Variants in TAF15 observed in about 807,000 individuals in gnomAD.
TAF15 encodes TATA-box binding protein associated factor 15.
Under a neutral mutation model 102.5 loss-of-function variants are expected in TAF15, and 37 were observed. The observed-to-expected ratio is 0.36, with a 90% confidence interval of 0.28 to 0.47. TAF15 has a LOEUF of 0.47. TAF15 is among the 20% of genes least tolerant of loss of function. TAF15 has a pLI of 0.99. For synonymous variants in TAF15, 273 were observed against 259.2 expected, an observed-to-expected ratio of 1.05 and a Z score of -0.51; for missense variants, 652 against 760.7, an observed-to-expected ratio of 0.86 and a Z score of 1.68.
rs2087097507 is a variant in TAF15, at chr17:35,809,485, G to C, written c.-85G>C. 2.5e-6 allele frequency: 4 copies of C among 1,595,010 alleles called. No individual in the cohort carries two copies. Among genetic ancestry groups the C allele is most frequent in the Non-Finnish European group, 3.4e-6 (4 of 1,169,896 alleles). ...GCCTCAGCCCGCCGCGCCGCCCTCA[G>C]TACAGCTCCGGCCGCCGCGCCGCCT... On this transcript the variant is annotated 5_prime_UTR_variant, in exon 1 of 16. Transcript: ENST00000605844.
chr17:35,842,424 T>A lies in TAF15; in HGVS notation c.971T>A (p.Phe324Tyr). The change falls in exon 12 of 16, where the codon TTC becomes TAC. Residue 324 changes from phenylalanine (F) to tyrosine (Y), a missense_variant. Physicochemically the swap from Phe to Tyr is conservative, Grantham distance 22. Coordinates refer to ENST00000605844, the MANE Select transcript of TAF15 (RefSeq NM_139215.3). ...TCCTTTGCCACTAGAAGACCTGAAT[T>A]CATGAGAGGAGGTGGAAGTGGAGGT... Reference protein sequence around the residue: ...KVSFATRRPEFMRGGGSGGGR... With the variant: ...KVSFATRRPEYMRGGGSGGGR... 1 of 1,614,108 alleles carries A rather than the reference T, an allele frequency of 6.2e-7. No individual in the cohort carries two copies. The highest frequency in any genetic ancestry group is 8.5e-7 in the Non-Finnish European group (1 of 1,180,008).
intron 1 of TAF15, chr17:35,811,018 CT>C (rs2087118550): frequency 6.6e-6 from 1 of 152,192 alleles, no homozygotes; most frequent in Non-Finnish European, 1.5e-5. Context: ...GGGATGAAGT[CT>C]GATAAAGCTC....
chr17:35,814,068 G>T (rs1195009059), intron 1 of TAF15, among the ~76,000 whole-genome samples: 1 of 151,720 alleles, frequency 6.6e-6, no homozygotes, highest in Non-Finnish European at 1.5e-5. Flanking sequence ...GCCTTACCTG[G>T]CTAATTTTTA....
In TAF15 at chr17:35,847,079, G is replaced by T; in HGVS notation, c.*134G>T. 2.6e-6 allele frequency: 2 copies of T among 768,752 alleles called. No individual in the cohort carries two copies. Among genetic ancestry groups the T allele is most frequent in the Non-Finnish European group, 2.3e-6 (1 of 437,138 alleles). 47.6% of individuals were successfully genotyped at this position (768,752 alleles called of 1,614,324 possible). On this transcript the variant is annotated 3_prime_UTR_variant, in exon 16 of 16. Transcript: ENST00000605844. Reference sequence around the variant, plus strand: ...CATTTGGATTTTTATTTGGGTGGGAGGGCTGGGACAGTTTTTCTTCTAGAA... The same window carrying T: ...CATTTGGATTTTTATTTGGGTGGGATGGCTGGGACAGTTTTTCTTCTAGAA...
At chr17:35,838,185 TA>T (rs1022688952) in intron 10 of TAF15, among the ~76,000 whole-genome samples, 3 of 151,932 alleles carry the variant, frequency 2.0e-5, no homozygotes, top group Non-Finnish European at 2.9e-5. Flanking sequence ...CTGTCTCAAT[TA>T]AAAAAAATTA....
At chr17:35,841,888 G>A (rs1166584660) in intron 11 of TAF15, among the ~76,000 whole-genome samples, 2 of 152,040 alleles carry the variant, frequency 1.3e-5, no homozygotes, top group African/African-American at 2.4e-5. Context: ...TTCAGAGAAA[G>A]GGTCTCATTA....
intron 1 of TAF15, chr17:35,810,144 G>A: frequency 5.8e-6 from 1 of 172,404 alleles, no homozygotes; most frequent in Non-Finnish European, 1.3e-5. Context: ...TCACTCTGCA[G>A]TAACCACCTG....
rs989070918 is a variant in TAF15, at chr17:35,822,848, C to T, written c.484+15C>T. Reference sequence around the variant, plus strand: ...CCACACACAAGGTAAGATTTACTGACCTCTATTATTATTTTTCCCCCTCTC... The same window carrying T: ...CCACACACAAGGTAAGATTTACTGATCTCTATTATTATTTTTCCCCCTCTC... On this transcript the variant is annotated intron_variant, in intron 6 of 15. Transcript: ENST00000605844. 5 of 1,612,756 alleles carry T rather than the reference C, an allele frequency of 3.1e-6. No individual in the cohort carries two copies. The Admixed American group carries it at 6.7e-5, about 22-fold the overall frequency.
intron 1 of TAF15, chr17:35,811,603 TTA>T (rs1490033290): frequency 2.0e-5 from 3 of 152,234 alleles, no homozygotes; most frequent in African/African-American, 7.2e-5. Flanking sequence ...ATTAATAATT[TTA>T]GTTAAGTCCT....
At chr17:35,812,594 A>G (rs1170094595) in intron 1 of TAF15, among the ~76,000 whole-genome samples, 11 of 151,626 alleles carry the variant, frequency 7.3e-5, no homozygotes, top group Admixed American at 2.6e-4. Flanking sequence ...AAAAAAAAAA[A>G]AAAAAAAAAA....
At chr17:35,846,137 G>A (rs1349175144) in intron 15 of TAF15, among the ~76,000 whole-genome samples, 3 of 152,186 alleles carry the variant, frequency 2.0e-5, no homozygotes, top group Non-Finnish European at 4.4e-5. Flanking sequence ...ATAAGGCAGT[G>A]AGAATTAGTA....
intron 7 of TAF15, among the ~76,000 whole-genome samples, chr17:35,831,909 C>A (rs1450144724): frequency 6.6e-6 from 1 of 151,472 alleles, no homozygotes; most frequent in Admixed American, 6.6e-5. Context: ...AGTGAAACCC[C>A]GTCTCTACTA....
chr17:35,829,610 A>C lies in TAF15; in HGVS notation c.606-4297A>C, dbSNP rs143437769. On this transcript the variant is annotated intron_variant, in intron 7 of 15. Coordinates refer to ENST00000605844, the MANE Select transcript of TAF15 (RefSeq NM_139215.3). ...TCGTGCCACTGTACTCTGGCCTGGG[A>C]GACAGAGCGAGACTCCATCTCAAAA... 7.9e-3 allele frequency among the ~76,000 whole-genome samples: 1,020 copies of C among 128,328 alleles called. 21 individuals are homozygous for C. Among genetic ancestry groups the C allele is most frequent in the African/African-American group, 0.03 (978 of 33,144 alleles). The allele number at this position is 128,328 out of a possible 152,430, so 84.2% of individuals were successfully genotyped here. A position where few individuals can be genotyped will look rare whatever the true frequency, so the allele number is the denominator to read the frequency against.
intron 12 of TAF15, 58 bp downstream of exon 12, chr17:35,842,517 A>G: frequency 4.4e-6 from 6 of 1,352,804 alleles, no homozygotes; most frequent in East Asian, 2.3e-5. Flanking sequence ...GTTTGAGTTC[A>G]TACTCTGTTT....
Position 35,809,578 on chromosome 17 carries a change from T to C in TAF15, c.7+2T>C. 6.2e-7 allele frequency: 1 copy of C among 1,612,972 alleles called. No individual in the cohort carries two copies. Among genetic ancestry groups the C allele is most frequent in the Non-Finnish European group, 8.5e-7 (1 of 1,179,792 alleles). On this transcript the variant is annotated splice_donor_variant, in intron 1 of 15. Transcript: ENST00000605844. LOFTEE classifies it high-confidence loss of function. ...CGCCGCGGCCGTTAGTCATGTCGGG[T>C]AGGTGACTTCTTCAGCGAGCAGCGG...
intron 7 of TAF15, among the ~76,000 whole-genome samples, chr17:35,830,726 C>T (rs753443256): frequency 2.6e-5 from 4 of 152,140 alleles, no homozygotes; most frequent in Non-Finnish European, 5.9e-5. Context: ...AGATCAATGC[C>T]TAAACCAAAT....
Position 35,842,393 on chromosome 17 carries a change from A to C in TAF15, c.940A>C (p.Lys314Gln). ...AAAAGAATTCCATGGCAACATCATT[A>C]AAGTGTCCTTTGCCACTAGAAGACC... ...DGKEFHGNII[K>Q]VSFATRRPEF... The change falls in exon 12 of 16, where the codon AAA (lysine) becomes CAA (glutamine). Residue 314 changes from lysine to glutamine, a missense_variant. Lys to Gln is a moderately conservative substitution (Grantham distance 53, BLOSUM62 1). Around this residue, in one of 3 missense-constraint regions of TAF15, gnomAD observed 41 missense variants for 109.1 expected, o/e 0.38. Coordinates refer to ENST00000605844, the MANE Select transcript of TAF15 (RefSeq NM_139215.3). 2 of 1,614,124 alleles carry C rather than the reference A, an allele frequency of 1.2e-6. No homozygotes were observed. Among genetic ancestry groups the C allele is most frequent in the Non-Finnish European group, 1.7e-6 (2 of 1,179,960 alleles).
chr17:35,825,528 AT>A (rs2087314307), intron 7 of TAF15, among the ~76,000 whole-genome samples: 1 of 113,942 alleles, frequency 8.8e-6, no homozygotes, highest in South Asian at 2.6e-4. Context: ...TATATGTTTT[AT>A]AGTACATCAT....
intron 1 of TAF15, chr17:35,817,382 C>T (rs183522017): frequency 3.9e-4 from 110 of 284,608 alleles, no homozygotes; most frequent in African/African-American, 2.4e-3. Context: ...CCTTTTTGGA[C>T]CTGATTAGTT....
Sources: gnomAD v4.1 joint callset for allele counts (sites outside exome capture counted in the v4.1 genomes callset) on GRCh38, gnomAD v4.1.1 for gene constraint, gnomAD v4.1.1 regional missense constraint, MANE v1.5 for transcripts, NCBI Gene and HGNC (gene_info 2026-07-23, HGNC 2026-07-21) for gene names.